Variants in VTCN1 observed in about 807,000 individuals in gnomAD.
VTCN1 encodes V-set domain containing T cell activation inhibitor 1.
VTCN1 carries 26 observed loss-of-function variants against 26.5 expected under a neutral mutation model. That is an observed-to-expected ratio of 0.98 (90% confidence interval 0.72 to 1.36). The LOEUF is 1.36. Ranked by LOEUF, VTCN1 falls within the 40% of genes most tolerant of loss-of-function variation. VTCN1 has a pLI of 0.00. For missense variants in VTCN1, 298 were observed against 337.7 expected (o/e 0.88, Z 0.92); for synonymous variants, 116 against 130.7 (o/e 0.89, Z 0.77).
intron 1 of VTCN1, 95 bp downstream of exon 1, chr1:117,210,729 G>A: frequency 7.6e-7 from 1 of 1,314,266 alleles, no homozygotes; most frequent in Non-Finnish European, 1.1e-6. Flanking sequence ...TTACAGGTGG[G>A]GTCCTATGGG....
chr1:117,149,141 GGGT>G (rs1651663599), intron 4 of VTCN1, among the ~76,000 whole-genome samples: 1 of 152,148 alleles, frequency 6.6e-6, no homozygotes, highest in Non-Finnish European at 1.5e-5. Context: ...TATGGAGTAA[GGGT>G]GTAGTGTTCT....
At chr1:117,184,458 A>G (rs1647833699) in intron 1 of VTCN1, among the ~76,000 whole-genome samples, 1 of 152,192 alleles carries the variant, frequency 6.6e-6, no homozygotes, top group African/African-American at 2.4e-5. Flanking sequence ...GAAATTTATA[A>G]TCAGGAAAAC....
chr1:117,202,095 A>C (rs577342660), intron 1 of VTCN1, among the ~76,000 whole-genome samples: 2 of 152,178 alleles, frequency 1.3e-5, no homozygotes, highest in Non-Finnish European at 2.9e-5. Flanking sequence ...GACTTACCCT[A>C]TCATGCCTCG....
chr1:117,193,800 T>C (rs890124523), intron 1 of VTCN1, among the ~76,000 whole-genome samples: 1 of 152,164 alleles, frequency 6.6e-6, no homozygotes, highest in Non-Finnish European at 1.5e-5. Context: ...TAAATGGTAC[T>C]GGGAAAACCA....
intron 2 of VTCN1, among the ~76,000 whole-genome samples, chr1:117,162,454 A>G (rs1488965958): frequency 6.6e-6 from 1 of 150,438 alleles, no homozygotes; most frequent in Admixed American, 6.6e-5. Flanking sequence ...TTTTTTTTTT[A>G]TTTTTTGGAG....
Position 117,147,678 on chromosome 1 carries a change from G to C in VTCN1, c.829C>G (p.Pro277Ala), listed in dbSNP as rs375219640. 1 of 1,613,898 alleles carries C rather than the reference G, an allele frequency of 6.2e-7. No individual in the cohort carries two copies. The highest frequency in any genetic ancestry group is 8.5e-7 in the Non-Finnish European group (1 of 1,179,880). Reference protein sequence around the residue: ...AISWALLPLSPYLMLK With the variant: ...AISWALLPLSAYLMLK Reference sequence around the variant, plus strand: ...GCACATTATTTTAGCATCAGGTAAGGGCTGAGAGGCAGAAGTGCCCAGCTG... The same window carrying C: ...GCACATTATTTTAGCATCAGGTAAGCGCTGAGAGGCAGAAGTGCCCAGCTG... Residue 277 changes from proline (P) to alanine (A), a missense_variant, in exon 5 of 6, where the codon CCT becomes GCT. Pro to Ala is a conservative substitution (Grantham distance 27). Coordinates refer to ENST00000369458, the MANE Select transcript of VTCN1 (RefSeq NM_024626.4). The surrounding 1 kb of genome is among the most constrained non-coding windows in gnomAD (Gnocchi z 4.6).
intron 1 of VTCN1, among the ~76,000 whole-genome samples, chr1:117,205,144 T>TTTTA (rs1553214069): frequency 8.9e-5 from 12 of 134,746 alleles, no homozygotes; most frequent in Middle Eastern, 3.7e-3. Flanking sequence ...ATATATATTT[T>TTTTA]TATATATATA....
chr1:117,203,542 A>G, intron 1 of VTCN1: 4 of 921,840 alleles, frequency 4.3e-6, no homozygotes, highest in Non-Finnish European at 5.2e-6. Context: ...GTGATAGGAA[A>G]TCAGAAGCAT....
rs1647265597 is a variant in VTCN1, at chr1:117,175,079, C to G, written c.33-4908G>C. ...GGCCTGGTTCGATTCCCTCACATGC[C>G]TGCTTCAGCTGCTGCTGCCTTCTGC... is the stretch of plus-strand genomic sequence containing the variant. On this transcript the variant is annotated intron_variant, in intron 1 of 5. Transcript: ENST00000369458. The surrounding 1 kb of genome is among the most constrained non-coding windows in gnomAD (Gnocchi z 4.2). Among the ~76,000 whole-genome samples, 1 of 151,416 alleles carries G rather than the reference C, an allele frequency of 6.6e-6. No individual in the cohort carries two copies. The highest frequency in any genetic ancestry group is 2.5e-5 in the African/African-American group (1 of 40,672).
At chr1:117,188,803 G>A (rs1239812276) in intron 1 of VTCN1, among the ~76,000 whole-genome samples, 1 of 152,162 alleles carries the variant, frequency 6.6e-6, no homozygotes, top group Non-Finnish European at 1.5e-5. Context: ...TCAGGGTAAT[G>A]ACTCCTTAAA....
chr1:117,185,033 C>G (rs1041937104), intron 1 of VTCN1, among the ~76,000 whole-genome samples: 4 of 152,140 alleles, frequency 2.6e-5, no homozygotes, highest in Non-Finnish European at 5.9e-5. Context: ...GCTGCCACAG[C>G]TAAGTCAGAT....
Position 117,156,765 on chromosome 1 carries a change from T to C in VTCN1, c.254A>G (p.Glu85Gly), listed in dbSNP as rs752503628. The C allele has an allele frequency of 6.2e-7, 1 of 1,614,078 alleles. No homozygotes were observed. Among genetic ancestry groups the C allele is most frequent in the South Asian group, 1.1e-5 (1 of 91,086 alleles). ...GVLGLVHEFK[E>G]GKDELSEQDE... ...CTGCTCCGACAGCTCATCTTTGCCT[T>C]CTTTGAACTCATGGACCAAGCCTAA... The change falls in exon 3 of 6, where the codon GAA (glutamate) becomes GGA (glycine). Residue 85 changes from glutamate (E) to glycine (G), a missense_variant. Glu to Gly is a moderately conservative substitution (Grantham distance 98). Transcript: ENST00000369458.
chr1:117,190,336 G>A (rs982378362), intron 1 of VTCN1, among the ~76,000 whole-genome samples: 1 of 152,210 alleles, frequency 6.6e-6, no homozygotes, highest in Non-Finnish European at 1.5e-5. Flanking sequence ...CCTGGCAGGA[G>A]CCATGCCCAT....
At chr1:117,152,458 A>G (rs1651848962) in intron 4 of VTCN1, among the ~76,000 whole-genome samples, 1 of 152,110 alleles carries the variant, frequency 6.6e-6, no homozygotes, top group African/African-American at 2.4e-5. Flanking sequence ...TACTAGCTCA[A>G]CCTAAGGTTT....
At chr1:117,168,033 A>G (rs897456401) in intron 2 of VTCN1, among the ~76,000 whole-genome samples, 5 of 152,154 alleles carry the variant, frequency 3.3e-5, no homozygotes, top group South Asian at 4.1e-4. Context: ...GAACAGGAAA[A>G]GAAATAAATT....
chr1:117,203,729 T>G, intron 1 of VTCN1: 1 of 985,446 alleles, frequency 1.0e-6, no homozygotes, highest in Non-Finnish European at 1.2e-6. Flanking sequence ...GTGAAATTTA[T>G]ATCTATCTGG....
At position 117,167,235 on chromosome 1, in the gene VTCN1, A is replaced by C. The variant is rs1652666734; in HGVS notation, c.97+2872T>G. On this transcript the variant is annotated intron_variant, in intron 2 of 5. Coordinates refer to ENST00000369458, the MANE Select transcript of VTCN1 (RefSeq NM_024626.4). The surrounding 1 kb of genome is among the most constrained non-coding windows in gnomAD (Gnocchi z 4.1). ...GAAGTATACAAACATAAAAATCCAC[A>C]CATCATAACTGTACAGCTTGAAGAA... Among the ~76,000 whole-genome samples the C allele has an allele frequency of 1.3e-5, 2 of 152,156 alleles. No individual in the cohort carries two copies. Among genetic ancestry groups the C allele is most frequent in the Non-Finnish European group, 2.9e-5 (2 of 68,030 alleles).
At chr1:117,171,879 A>G (rs551269152) in intron 1 of VTCN1, among the ~76,000 whole-genome samples, 13 of 152,264 alleles carry the variant, frequency 8.5e-5, no homozygotes, top group African/African-American at 3.1e-4. Flanking sequence ...CAAGTGTACC[A>G]AGGGTAGGAG....
Position 117,189,527 on chromosome 1 carries a change from C to T in VTCN1, c.33-19356G>A, listed in dbSNP as rs568329873. Among the ~76,000 whole-genome samples the T allele has an allele frequency of 2.2e-4, 33 of 152,272 alleles. 1 individual carries two copies. In the South Asian group the frequency reaches 4.1e-3, roughly 19 times the overall value. ...AGAGGAACAGATGACCTGCTTTACC[C>T]GATCTGAAGCCCTGCAGAGGTGGAC... On this transcript the variant is annotated intron_variant, in intron 1 of 5. Coordinates refer to ENST00000369458, the MANE Select transcript of VTCN1 (RefSeq NM_024626.4).
Sources: gnomAD v4.1 joint callset for allele counts (sites outside exome capture counted in the v4.1 genomes callset) on GRCh38, gnomAD v4.1.1 for gene constraint, Gnocchi (gnomAD v3.1) non-coding constraint, MANE v1.5 for transcripts, NCBI Gene and HGNC (gene_info 2026-07-23, HGNC 2026-07-21) for gene names.